The following ATR variants were observed in gnomAD, a reference collection of about 807,000 sequenced individuals.
ATR encodes the protein serine/threonine-protein kinase ATR.
A neutral mutation model predicts 305.3 loss-of-function variants in ATR; 142 were observed. The ratio of observed to expected loss-of-function variants is 0.47; its 90% confidence interval spans 0.41 to 0.53. ATR has a LOEUF of 0.53. Among genes scored for constraint, ATR ranks in the 20% least tolerant of loss-of-function variants. ATR has a pLI of 0.00. For missense variants in ATR, 2,135 were observed against 3,133.1 expected, an observed-to-expected ratio of 0.68 and a Z score of 7.60; for synonymous variants, 1,050 against 1,068.1, an observed-to-expected ratio of 0.98 and a Z score of 0.33.
At chr3:142,553,534 T>C (rs2034555465) in intron 12 of ATR, 106 bp downstream of exon 12, 1 of 1,448,888 alleles carries the variant, frequency 6.9e-7, no homozygotes, top group South Asian at 1.2e-5. Context: ...ACTCACATTT[T>C]GTCTATAATA....
intron 28 of ATR, 116 bp downstream of exon 28, chr3:142,507,815 C>T: frequency 1.0e-6 from 1 of 993,486 alleles, no homozygotes; most frequent in Non-Finnish European, 1.5e-6. Context: ...TCTCTCCCCA[C>T]TAATCTATAA....
At chr3:142,497,271 A>G in intron 32 of ATR, 79 bp from the exon 33 acceptor site, 1 of 1,430,176 alleles carries the variant, frequency 7.0e-7, no homozygotes, top group South Asian at 1.2e-5. Context: ...AGTACTTTAA[A>G]TCAGAAATAA....
In ATR at chr3:142,554,929, T is replaced by TA. The variant is rs879549974; in HGVS notation, c.2342-915dup. On this transcript the variant is annotated intron_variant, in intron 10 of 46. Transcript: ENST00000350721. ...GGTGACAGAGCAAGACCCTGTCTCT[T>TA]AAAAAAAAAAAAAGAAAGAAGAAAG... Among the ~76,000 whole-genome samples, 1,349 of 139,078 alleles carry TA rather than the reference T, an allele frequency of 9.7e-3. 21 individuals carry two copies. Among genetic ancestry groups the TA allele is most frequent in the African/African-American group, 0.032 (1,226 of 37,856 alleles). The allele number at this position is 139,078 out of a possible 152,430, so 91.2% of individuals were successfully genotyped here.
intron 27 of ATR, 64 bp downstream of exon 27, chr3:142,512,196 G>C (rs977283065): frequency 5.9e-6 from 8 of 1,354,590 alleles, no homozygotes; most frequent in Non-Finnish European, 8.3e-6. Flanking sequence ...AACTGATAAA[G>C]GGAAGAGCTA....
intron 21 of ATR, among the ~76,000 whole-genome samples, chr3:142,529,917 T>C (rs2033571471): frequency 6.6e-6 from 1 of 152,132 alleles, no homozygotes; most frequent in South Asian, 2.1e-4. Context: ...GGGTCAATTT[T>C]CTCCAGGATA....
intron 36 of ATR, among the ~76,000 whole-genome samples, chr3:142,483,874 A>AATAT (rs35084597): frequency 0.11 from 16,022 of 149,452 alleles, 1,036 homozygotes; most frequent in Non-Finnish European, 0.15. Context: ...AATAAAATAA[A>AATAT]ATATATATAT....
At chr3:142,532,346 T>C (rs967378268) in intron 21 of ATR, among the ~76,000 whole-genome samples, 10 of 152,372 alleles carry the variant, frequency 6.6e-5, no homozygotes, top group African/African-American at 2.4e-4. Flanking sequence ...TTTTGGCTTC[T>C]TACAAAGTTA....
At chr3:142,563,201 T>C (rs1487128660) in intron 3 of ATR, 92 bp from the exon 4 acceptor site, 1 of 1,238,756 alleles carries the variant, frequency 8.1e-7, no homozygotes, top group African/African-American at 1.5e-5. Context: ...TTTTAAAGAA[T>C]AAACTTCACT....
At chr3:142,462,216 T>A (rs1355393457) in intron 41 of ATR, 126 bp from the exon 42 acceptor site, 21 of 878,206 alleles carry the variant, frequency 2.4e-5, no homozygotes, top group Non-Finnish European at 2.1e-5. Context: ...TACTATGTGG[T>A]ATACATGAAT....
At position 142,549,607 on chromosome 3, in the gene ATR, G is replaced by T. The variant is rs1453839157; in HGVS notation, c.3043C>A (p.Arg1015=). The T allele has an allele frequency of 6.2e-7, 1 of 1,613,346 alleles. No individual in the cohort carries two copies. Among genetic ancestry groups the T allele is most frequent in the Non-Finnish European group, 8.5e-7 (1 of 1,179,654 alleles). ...ACATTTAATTGTTTTCCTAAAGTTC[G>T]AATGAGAGCAGAAGCTGCAGGGCTT... ...KASPAASALI[R]TLGKQLNVNR... The change falls in exon 15 of 47, where the codon CGA becomes AGA. Residue 1015 remains arginine (R), a synonymous_variant. Transcript: ENST00000350721.
At chr3:142,507,850 A>G in intron 28 of ATR, 81 bp downstream of exon 28, 1 of 1,311,356 alleles carries the variant, frequency 7.6e-7, no homozygotes, top group South Asian at 1.3e-5. Context: ...CATATAAAAC[A>G]TTCAATAAAA....
intron 41 of ATR, among the ~76,000 whole-genome samples, chr3:142,464,689 T>G (rs1415487276): frequency 1.3e-5 from 2 of 152,086 alleles, no homozygotes; most frequent in African/African-American, 4.8e-5. Flanking sequence ...ACAAAGTAAA[T>G]GGTGGCTGCT....
At chr3:142,450,735 G>A in intron 46 of ATR, 1 of 1,546,946 alleles carries the variant, frequency 6.5e-7, no homozygotes, top group Non-Finnish European at 8.8e-7. Context: ...GGGGAATGAA[G>A]GTGCTGGCAG....
chr3:142,514,807 C>CAAAAAAAAAA (rs56770183), intron 25 of ATR, among the ~76,000 whole-genome samples: 1 of 99,864 alleles, frequency 1.0e-5, no homozygotes, highest in Non-Finnish European at 1.9e-5. Context: ...GACTCCGTCA[C>CAAAAAAAAAA]AAAAAAAAAA....
intron 35 of ATR, among the ~76,000 whole-genome samples, chr3:142,490,058 T>C (rs909776624): frequency 2.6e-5 from 4 of 152,198 alleles, no homozygotes; most frequent in African/African-American, 9.7e-5. Context: ...TTTGCAGATC[T>C]GTATTTTTTT....
intron 34 of ATR, among the ~76,000 whole-genome samples, chr3:142,493,906 C>T (rs923735180): frequency 7.3e-5 from 11 of 150,402 alleles, no homozygotes; most frequent in Non-Finnish European, 1.3e-4. Context: ...ATGGCTTATG[C>T]TTATAGCCTT....
intron 5 of ATR, 30 bp downstream of exon 5, chr3:142,561,213 T>C: frequency 6.2e-7 from 1 of 1,604,220 alleles, no homozygotes; most frequent in Admixed American, 1.7e-5. Flanking sequence ...ATTTAATGGC[T>C]AAATACAAAC....
intron 35 of ATR, 106 bp downstream of exon 35, chr3:142,493,026 C>T: frequency 7.7e-7 from 1 of 1,291,656 alleles, no homozygotes; most frequent in Non-Finnish European, 1.1e-6. Context: ...ACTGAAAAGT[C>T]AAAAAAATTT....
intron 16 of ATR, among the ~76,000 whole-genome samples, chr3:142,546,752 T>C (rs2034281822): frequency 1.3e-5 from 2 of 152,130 alleles, no homozygotes; most frequent in African/African-American, 2.4e-5. Flanking sequence ...GAATGGCCAA[T>C]TGTATTGAAT....
Sources: gnomAD v4.1 joint callset for allele counts (sites outside exome capture counted in the v4.1 genomes callset) on GRCh38, gnomAD v4.1.1 for gene constraint, MANE v1.5 for transcripts, NCBI Gene and HGNC (gene_info 2026-07-23, HGNC 2026-07-21) for gene names.